Variants in IL18RAP observed in about 807,000 individuals in gnomAD.
IL18RAP encodes interleukin-18 receptor accessory protein.
A neutral mutation model predicts 58.1 loss-of-function variants in IL18RAP; 37 were observed. The observed-to-expected ratio is 0.64, with a 90% CI of 0.49 to 0.84. The LOEUF is 0.84. Ranked by LOEUF, IL18RAP falls within the 40% of genes least tolerant of loss-of-function variation. IL18RAP has a pLI of 0.00. For missense variants in IL18RAP, 667 were observed against 704.8 expected, an observed-to-expected ratio of 0.95 and a Z score of 0.61; for synonymous variants, 268 against 257.5, an observed-to-expected ratio of 1.04 and a Z score of -0.39.
At chr2:102,427,706 A>G (rs1682044866) in intron 3 of IL18RAP, among the ~76,000 whole-genome samples, 1 of 151,938 alleles carries the variant, frequency 6.6e-6, no homozygotes, top group African/African-American at 2.4e-5. Context: ...GTTTTATGCT[A>G]TATCATTTTT....
At chr2:102,436,479 C>T (rs539706806) in intron 3 of IL18RAP, among the ~76,000 whole-genome samples, 1 of 152,194 alleles carries the variant, frequency 6.6e-6, no homozygotes, top group African/African-American at 2.4e-5. Context: ...CTGCCCCCAC[C>T]CTTAGTCTCC....
At chr2:102,430,568 G>C (rs1437907169) in intron 3 of IL18RAP, among the ~76,000 whole-genome samples, 2 of 152,052 alleles carry the variant, frequency 1.3e-5, no homozygotes, top group African/African-American at 4.8e-5. Context: ...TGGTAGATAA[G>C]CACAGGCTGT....
intron 8 of IL18RAP, among the ~76,000 whole-genome samples, chr2:102,449,588 C>T (rs2104387355): frequency 6.6e-6 from 1 of 152,182 alleles, no homozygotes; most frequent in South Asian, 2.1e-4. Flanking sequence ...GTTGGCCAAC[C>T]TAACATTTTT....
At chr2:102,451,107 G>T in intron 9 of IL18RAP, 86 bp downstream of exon 9, 1 of 1,125,452 alleles carries the variant, frequency 8.9e-7, no homozygotes, top group Non-Finnish European at 1.3e-6. Context: ...TCTTTGTTTT[G>T]GAATATAGAT....
intron 3 of IL18RAP, among the ~76,000 whole-genome samples, chr2:102,436,602 A>C (rs2104343178): frequency 6.6e-6 from 1 of 152,162 alleles, no homozygotes; most frequent in African/African-American, 2.4e-5. Flanking sequence ...GAAATTCCTC[A>C]ATCAGAAAAT....
At chr2:102,440,552 A>G (rs1471253795) in intron 4 of IL18RAP, 1 of 152,232 alleles carries the variant, frequency 6.6e-6, no homozygotes, top group Non-Finnish European at 1.5e-5. Flanking sequence ...GATATAAGGC[A>G]GGGTGTGTTT....
At chr2:102,437,559 C>T (rs1187970838) in intron 4 of IL18RAP, among the ~76,000 whole-genome samples, 197 bp downstream of exon 4, 1 of 152,188 alleles carries the variant, frequency 6.6e-6, no homozygotes, top group Non-Finnish European at 1.5e-5. Context: ...GTTTCAAATT[C>T]TCACAAGTTG....
At chr2:102,431,425 G>T (rs1365487892) in intron 3 of IL18RAP, among the ~76,000 whole-genome samples, 2 of 152,084 alleles carry the variant, frequency 1.3e-5, no homozygotes, top group Non-Finnish European at 2.9e-5. Context: ...AATTTGATTG[G>T]CAACTTCTGA....
intron 3 of IL18RAP, among the ~76,000 whole-genome samples, chr2:102,433,803 C>A (rs1361257819): frequency 6.8e-6 from 1 of 146,206 alleles, no homozygotes; most frequent in Non-Finnish European, 1.5e-5. Context: ...GCCTCGGCCT[C>A]TCAAAGTGCT....
chr2:102,422,486 C>T (rs916246964), upstream of IL18RAP, among the ~76,000 whole-genome samples: 1 of 152,192 alleles, frequency 6.6e-6, no homozygotes, highest in Non-Finnish European at 1.5e-5. Flanking sequence ...CTGCTCTGAG[C>T]CATATGCCTC....
chr2:102,435,575 G>A (rs1213986947), intron 3 of IL18RAP, among the ~76,000 whole-genome samples: 1 of 152,150 alleles, frequency 6.6e-6, no homozygotes, highest in Non-Finnish European at 1.5e-5. Context: ...AGGCCAGGGA[G>A]GAGAGTGAAA....
chr2:102,444,683 C>G (rs1176859212), intron 6 of IL18RAP, among the ~76,000 whole-genome samples: 1 of 152,180 alleles, frequency 6.6e-6, no homozygotes, highest in African/African-American at 2.4e-5. Flanking sequence ...GTGGCACAAG[C>G]CCAGGAATCA....
rs199973544 is a variant in IL18RAP, at chr2:102,437,309, C to T, written c.677C>T (p.Ser226Leu). The change falls in exon 4 of 10, where the codon TCG becomes TTG. Residue 226 changes from serine (S) to leucine (L), a missense_variant. Physicochemically the swap from Ser to Leu is moderately radical, Grantham distance 145. Transcript: ENST00000687160. ...QGTYVCDYTQSDTVSSWTVRA... is the reference protein window; with the variant it reads ...QGTYVCDYTQLDTVSSWTVRA... Reference sequence around the variant, plus strand: ...ACATATGTATGTGATTACACTCAGTCGGATACTGTGAGTTCGTGGACAGTC... The same window carrying T: ...ACATATGTATGTGATTACACTCAGTTGGATACTGTGAGTTCGTGGACAGTC... The T allele has an allele frequency of 9.8e-5, 158 of 1,613,452 alleles. No homozygotes were observed. The highest frequency in any genetic ancestry group is 1.6e-4 in the Middle Eastern group (1 of 6,084).
At chr2:102,437,460 G>A (rs1242410209) in intron 4 of IL18RAP, 98 bp downstream of exon 4, 1 of 1,229,580 alleles carries the variant, frequency 8.1e-7, no homozygotes, top group Non-Finnish European at 1.1e-6. Flanking sequence ...GAAAGAAAAG[G>A]ATAGTCATAT....
chr2:102,438,223 G>A (rs1449676761), intron 4 of IL18RAP, among the ~76,000 whole-genome samples: 1 of 152,194 alleles, frequency 6.6e-6, no homozygotes, highest in Non-Finnish European at 1.5e-5. Context: ...AATCAACTAT[G>A]TGATAGAATT....
chr2:102,434,023 T>C (rs751973734), intron 3 of IL18RAP: 5 of 152,228 alleles, frequency 3.3e-5, no homozygotes, highest in Non-Finnish European at 7.3e-5. Context: ...TGTTTCCAAA[T>C]AGGAAGAAGA....
intron 8 of IL18RAP, among the ~76,000 whole-genome samples, chr2:102,450,004 A>G (rs1683664938): frequency 6.6e-6 from 1 of 152,120 alleles, no homozygotes; most frequent in Non-Finnish European, 1.5e-5. Flanking sequence ...CACCTTGAAC[A>G]TGGTGTACTA....
rs144417893 is a variant in IL18RAP, at chr2:102,452,199, C to A, written c.*18C>A. ...AATGGTGAAATGAGCCCTGGAGCCC[C>A]CTCCAGTCCAGTCCCTGGGATAGAG... On this transcript the variant is annotated 3_prime_UTR_variant, in exon 10 of 10. Coordinates refer to ENST00000687160, the MANE Select transcript of IL18RAP (RefSeq NM_001393487.1). The A allele has an allele frequency of 7.0e-6, 11 of 1,574,074 alleles. No homozygotes were observed. The highest frequency in any genetic ancestry group is 9.5e-6 in the Non-Finnish European group (11 of 1,161,696).
At chr2:102,423,723 CT>C in intron 1 of IL18RAP, 87 bp from the exon 2 acceptor site, 1 of 937,018 alleles carries the variant, frequency 1.1e-6, no homozygotes. Flanking sequence ...AGCTAGATCT[CT>C]TGTTAAATCA....
Sources: allele counts gnomAD v4.1 joint callset (sites outside exome capture counted in the v4.1 genomes callset), GRCh38; gene constraint gnomAD v4.1.1; transcripts MANE v1.5; gene names NCBI Gene and HGNC (gene_info 2026-07-23, HGNC 2026-07-21).